CA3: variants seen among roughly 807,000 people sequenced by gnomAD.
CA3 encodes the protein CA-III.
In CA3, 30 loss-of-function variants were observed where a neutral mutation model predicts 35.7. That is an observed-to-expected ratio of 0.84 (90% confidence interval 0.63 to 1.14). The LOEUF (loss-of-function observed/expected upper bound fraction) is 1.14, where lower values mean the gene tolerates loss of function less well. Ranked by LOEUF, CA3 falls within the 50% of genes most tolerant of loss-of-function variation. The pLI is 0.00. For missense variants in CA3, 295 were observed against 328.5 expected (o/e 0.90, Z 0.79); for synonymous variants, 131 against 130.8 (o/e 1.00, Z -0.01).
At position 85,446,122 on chromosome 8, in the gene CA3, T is replaced by G; in HGVS notation, c.508-20T>G. 6.3e-7 allele frequency: 1 copy of G among 1,588,102 alleles called. No homozygotes were observed. The highest frequency in any genetic ancestry group is 8.6e-7 in the Non-Finnish European group (1 of 1,163,976). ...TGTGCATGCATGCACTCACTGCACC[T>G]GCAACCTGCTCTTACCCAGGGCAAG... On this transcript the variant is annotated intron_variant, in intron 5 of 6. Coordinates refer to ENST00000285381, the MANE Select transcript of CA3 (RefSeq NM_005181.4).
chr8:85,438,949 T>C lies in CA3; in HGVS notation c.34+6T>C. ...GGGCTACGCCAGTCACAACGGTGAG[T>C]GCAGGCAGCCGCGACCCGGCCAGGA... On this transcript the variant is annotated splice_donor_region_variant and intron_variant, in intron 1 of 6. Coordinates refer to ENST00000285381, the MANE Select transcript of CA3 (RefSeq NM_005181.4). 6.4e-7 allele frequency: 1 copy of C among 1,550,930 alleles called. No individual in the cohort carries two copies. The highest frequency in any genetic ancestry group is 8.7e-7 in the Non-Finnish European group (1 of 1,146,932).
chr8:85,447,337 G>T (rs867702000), intron 6 of CA3, among the ~76,000 whole-genome samples: 1 of 151,980 alleles, frequency 6.6e-6, no homozygotes, highest in Non-Finnish European at 1.5e-5. Flanking sequence ...TATAATAAAG[G>T]TCTACTACAT....
chr8:85,442,983 C>A (rs1032648665), intron 3 of CA3, among the ~76,000 whole-genome samples: 2 of 152,124 alleles, frequency 1.3e-5, no homozygotes, highest in Admixed American at 6.5e-5. Flanking sequence ...TATCCAGTGC[C>A]CTATACTGCC....
Position 85,443,889 on chromosome 8 carries a change from C to A in CA3, c.352-145C>A, listed in dbSNP as rs1811240876. 4.8e-6 allele frequency: 3 copies of A among 631,536 alleles called. No homozygotes were observed. The East Asian group carries it at 8.6e-5, about 18-fold the overall frequency. 39.1% of individuals were successfully genotyped at this position (631,536 alleles called of 1,614,324 possible). A position where few individuals can be genotyped will look rare whatever the true frequency, so the allele number is the denominator to read the frequency against. On this transcript the variant is annotated intron_variant, in intron 3 of 6. Transcript: ENST00000285381. ...CACTAGAAATGTTACCAAAATGTTA[C>A]ATGCTACTCTTTCAAATTTTCTCAG...
At chr8:85,440,923 C>T (rs888325775) in intron 2 of CA3, among the ~76,000 whole-genome samples, 2 of 152,148 alleles carry the variant, frequency 1.3e-5, no homozygotes, top group African/African-American at 2.4e-5. Flanking sequence ...TTAAACATAT[C>T]TATTAGGTTG....
chr8:85,445,125 G>C (rs1205031113), intron 4 of CA3, 31 bp from the exon 5 acceptor site: 3 of 1,481,686 alleles, frequency 2.0e-6, no homozygotes, highest in Non-Finnish European at 2.8e-6. Flanking sequence ...AGAAGTAAAA[G>C]AACTATACTT....
At chr8:85,442,986 A>G (rs1356984161) in intron 3 of CA3, among the ~76,000 whole-genome samples, 6 of 152,196 alleles carry the variant, frequency 3.9e-5, no homozygotes, top group African/African-American at 1.4e-4. Context: ...CCAGTGCCCT[A>G]TACTGCCTAT....
chr8:85,439,293 G>C (rs1311976443), intron 1 of CA3, among the ~76,000 whole-genome samples: 1 of 152,164 alleles, frequency 6.6e-6, no homozygotes, highest in Non-Finnish European at 1.5e-5. Context: ...ACCTGAGCTT[G>C]GTGCCGGTGT....
At chr8:85,447,541 T>C (rs1811308886) in intron 6 of CA3, among the ~76,000 whole-genome samples, 1 of 152,236 alleles carries the variant, frequency 6.6e-6, no homozygotes, top group Admixed American at 6.5e-5. Flanking sequence ...CTAGAGCTGC[T>C]AGCTAAATAG....
intron 2 of CA3, among the ~76,000 whole-genome samples, chr8:85,441,256 C>T (rs2130500698): frequency 6.6e-6 from 1 of 152,204 alleles, no homozygotes; most frequent in East Asian, 1.9e-4. Context: ...GCATAGTTTC[C>T]AATATACTTT....
intron 3 of CA3, among the ~76,000 whole-genome samples, chr8:85,443,695 TG>T (rs1811238157): frequency 6.6e-6 from 1 of 152,214 alleles, no homozygotes. Context: ...ATTTTTTAAC[TG>T]CTGCAAATGA....
Position 85,446,143 on chromosome 8 carries a change from GC to G in CA3, c.510del (p.Lys171ArgfsTer41), listed in dbSNP as rs773387533. 1 of 1,605,712 alleles carries G rather than the reference GC, an allele frequency of 6.2e-7. No homozygotes were observed. The highest frequency in any genetic ancestry group is 1.3e-5 in the African/African-American group (1 of 74,880). On this transcript the variant is annotated frameshift_variant and splice_region_variant, in exon 6 of 7. Coordinates refer to ENST00000285381, the MANE Select transcript of CA3 (RefSeq NM_005181.4). LOFTEE classifies it high-confidence loss of function. ...LDALDKIKTKGKEAPFTKFDP... is the reference protein window; with the variant it reads ...LDALDKIKTKXKEAPFTKFDP... ...CACCTGCAACCTGCTCTTACCCAGG[GC>G]AAGGAGGCGCCCTTCACAAAGTTTG...
At chr8:85,441,955 A>C in intron 2 of CA3, 118 bp from the exon 3 acceptor site, 1 of 705,960 alleles carries the variant, frequency 1.4e-6, no homozygotes, top group Admixed American at 1.9e-5. Context: ...GGCACCATCC[A>C]CCCAGCAAAC....
intron 3 of CA3, 81 bp from the exon 4 acceptor site, chr8:85,443,953 G>C (rs1230132203): frequency 2.0e-6 from 2 of 986,096 alleles, no homozygotes; most frequent in Admixed American, 3.5e-5. Flanking sequence ...CCTGTACAAT[G>C]ATTGGGTTTA....
At position 85,444,101 on chromosome 8, in the gene CA3, T is replaced by A. The variant is rs1053839897; in HGVS notation, c.419T>A (p.Ile140Asn). Reference protein sequence around the residue: ...FKEALKQRDGIAVIGIFLKIG... With the variant: ...FKEALKQRDGNAVIGIFLKIG... ...GAAGCCCTGAAGCAGCGCGATGGGA[T>A]CGCTGTGATTGGCATTTTTCTGAAG... Residue 140 changes from isoleucine to asparagine, a missense_variant, in exon 4 of 7, where the codon ATC becomes AAC. By Grantham distance (149) the Ile-to-Asn change is moderately radical (BLOSUM62 -3). Transcript: ENST00000285381. The A allele has an allele frequency of 1.2e-6, 2 of 1,612,828 alleles. No homozygotes were observed. The highest frequency in any genetic ancestry group is 2.7e-5 in the African/African-American group (2 of 74,926).
At chr8:85,443,757 C>G (rs915373535) in intron 3 of CA3, among the ~76,000 whole-genome samples, 1 of 152,190 alleles carries the variant, frequency 6.6e-6, no homozygotes, top group Admixed American at 6.5e-5. Context: ...TTTGATTAAC[C>G]TAACTGGTGC....
intron 2 of CA3, among the ~76,000 whole-genome samples, chr8:85,440,788 C>A (rs1319312672): frequency 6.6e-6 from 1 of 152,154 alleles, no homozygotes; most frequent in Non-Finnish European, 1.5e-5. Flanking sequence ...TAATTCCTAC[C>A]TACCAGGAGG....
At chr8:85,443,929 C>A in intron 3 of CA3, 105 bp from the exon 4 acceptor site, 1 of 805,186 alleles carries the variant, frequency 1.2e-6, no homozygotes. Context: ...TATGAGAGTG[C>A]TCAGCAACCT....
In CA3 at chr8:85,448,115, C is replaced by T; in HGVS notation, c.745C>T (p.Pro249Ser). The stretch of plus-strand genomic sequence containing the variant: ...TGTGAGCAACTGGCGACCTCCACAG[C>T]CTATCAATAACAGGGTGGTGAGAGC... ...PLVSNWRPPQ[P>S]INNRVVRASF... The change falls in exon 7 of 7, where the codon CCT (proline) becomes TCT (serine). Residue 249 changes from proline (P) to serine (S), a missense_variant. Physicochemically the swap from Pro to Ser is moderately conservative, Grantham distance 74. Transcript: ENST00000285381. 1 of 1,613,424 alleles carries T rather than the reference C, an allele frequency of 6.2e-7. No homozygotes were observed. The highest frequency in any genetic ancestry group is 1.7e-4 in the Middle Eastern group (1 of 6,060).
Sources: allele counts gnomAD v4.1 joint callset (sites outside exome capture counted in the v4.1 genomes callset), GRCh38; gene constraint gnomAD v4.1.1; transcripts MANE v1.5; gene names NCBI Gene and HGNC (gene_info 2026-07-23, HGNC 2026-07-21).